Variants in DGKB observed in about 807,000 individuals in gnomAD.
The protein encoded by DGKB is diacylglycerol kinase beta.
Under a neutral mutation model 114.3 loss-of-function variants are expected in DGKB, and 67 were observed. The observed-to-expected ratio is 0.59, with a 90% CI of 0.48 to 0.72. DGKB has a LOEUF of 0.72. Among genes scored for constraint, DGKB ranks in the 30% least tolerant of loss-of-function variants. The pLI is 0.00. For synonymous variants in DGKB, 398 were observed against 323.1 expected (o/e 1.23, Z -2.49); for missense variants, 907 against 975.2 (o/e 0.93, Z 0.93).
At chr7:14,279,325 A>G (rs745764649) in intron 23 of DGKB, among the ~76,000 whole-genome samples, 10 of 152,204 alleles carry the variant, frequency 6.6e-5, no homozygotes, top group South Asian at 2.1e-4. Flanking sequence ...ACCATTGCCC[A>G]GGCTTGATTA....
chr7:14,517,307 C>G (rs1788976409), intron 20 of DGKB, among the ~76,000 whole-genome samples: 2 of 152,044 alleles, frequency 1.3e-5, no homozygotes, highest in South Asian at 4.2e-4. Flanking sequence ...AAAATCAACT[C>G]AAGATAGATT....
intron 20 of DGKB, among the ~76,000 whole-genome samples, chr7:14,499,139 A>C (rs1445570384): frequency 3.3e-5 from 5 of 151,666 alleles, no homozygotes; most frequent in African/African-American, 1.2e-4. Context: ...ATAAATGATA[A>C]ATTTTGCACT....
intron 23 of DGKB, among the ~76,000 whole-genome samples, chr7:14,274,512 T>G (rs924554911): frequency 1.3e-5 from 2 of 152,266 alleles, no homozygotes; most frequent in South Asian, 4.1e-4. Context: ...CGCATTAACA[T>G]CAGACTTATA....
intron 21 of DGKB, among the ~76,000 whole-genome samples, chr7:14,451,519 A>C (rs935738105): frequency 6.7e-6 from 1 of 149,180 alleles, no homozygotes; most frequent in African/African-American, 2.5e-5. Flanking sequence ...ATGTGAGCCA[A>C]TTCCTTATAA....
intron 13 of DGKB, among the ~76,000 whole-genome samples, chr7:14,660,718 G>A (rs1451244571): frequency 6.6e-6 from 1 of 151,700 alleles, no homozygotes; most frequent in African/African-American, 2.4e-5. Flanking sequence ...AAGTTCATAT[G>A]GAACCAAAAA....
At chr7:14,309,988 C>G (rs537827844) in intron 23 of DGKB, among the ~76,000 whole-genome samples, 1 of 152,096 alleles carries the variant, frequency 6.6e-6, no homozygotes, top group East Asian at 1.9e-4. Flanking sequence ...CTGGCACATA[C>G]CCTAGATGAT....
intron 2 of DGKB, among the ~76,000 whole-genome samples, chr7:14,759,416 T>A (rs993562909): frequency 6.6e-6 from 1 of 152,134 alleles, no homozygotes; most frequent in Admixed American, 6.6e-5. Context: ...CTCCCTGTAT[T>A]TTCTCCCCTC....
chr7:14,560,269 G>A (rs1385864144), intron 20 of DGKB, among the ~76,000 whole-genome samples: 6 of 151,938 alleles, frequency 3.9e-5, no homozygotes, highest in Non-Finnish European at 5.9e-5. Flanking sequence ...CATTATTGTT[G>A]AGTATAGGTA....
chr7:14,739,452 T>A (rs1832224943), intron 4 of DGKB, among the ~76,000 whole-genome samples: 1 of 152,204 alleles, frequency 6.6e-6, no homozygotes, highest in Non-Finnish European at 1.5e-5. Flanking sequence ...GTATTCAATT[T>A]GTGAGGTGGA....
At chr7:14,848,643 G>A (rs1403738178) in intron 1 of DGKB, among the ~76,000 whole-genome samples, 1 of 152,210 alleles carries the variant, frequency 6.6e-6, no homozygotes, top group Non-Finnish European at 1.5e-5. Flanking sequence ...ACTGCAATTA[G>A]CAGTCTGTAC....
At chr7:14,788,271 C>T (rs956481980) in intron 2 of DGKB, among the ~76,000 whole-genome samples, 1 of 152,222 alleles carries the variant, frequency 6.6e-6, no homozygotes, top group Non-Finnish European at 1.5e-5. Flanking sequence ...TGTACAGAAT[C>T]TTTCTAAGCC....
chr7:14,810,048 A>AT (rs2128076259), intron 2 of DGKB, among the ~76,000 whole-genome samples: 1 of 152,302 alleles, frequency 6.6e-6, no homozygotes, highest in East Asian at 1.9e-4. Flanking sequence ...TTCAAATCAG[A>AT]TTCTTCATTT....
chr7:14,315,988 A>G (rs933288401), intron 23 of DGKB, among the ~76,000 whole-genome samples: 5 of 151,758 alleles, frequency 3.3e-5, no homozygotes, highest in East Asian at 1.9e-4. Flanking sequence ...TTCACTCAAA[A>G]CCGCTCAACT....
intron 13 of DGKB, among the ~76,000 whole-genome samples, chr7:14,657,628 G>T (rs2128915492): frequency 6.6e-6 from 1 of 151,928 alleles, no homozygotes; most frequent in South Asian, 2.1e-4. Context: ...GGGTGAAACA[G>T]CCATAATGAT....
chr7:14,717,971 T>C (rs1402701768), intron 6 of DGKB, among the ~76,000 whole-genome samples: 2 of 152,206 alleles, frequency 1.3e-5, no homozygotes, highest in African/African-American at 4.8e-5. Flanking sequence ...TGAATAGAAA[T>C]TCTCTATCCG....
intron 13 of DGKB, among the ~76,000 whole-genome samples, chr7:14,663,021 T>C (rs889359571): frequency 3.9e-5 from 6 of 151,976 alleles, no homozygotes; most frequent in Admixed American, 6.6e-5. Context: ...GCAATTTTCA[T>C]GAATTAACTC....
At chr7:14,569,564 T>C (rs1798073172) in intron 20 of DGKB, among the ~76,000 whole-genome samples, 1 of 152,176 alleles carries the variant, frequency 6.6e-6, no homozygotes, top group South Asian at 2.1e-4. Flanking sequence ...GCCATCCCTA[T>C]ACTAAGTTCC....
At chr7:14,820,525 C>G (rs1372508774) in intron 2 of DGKB, among the ~76,000 whole-genome samples, 1 of 152,110 alleles carries the variant, frequency 6.6e-6, no homozygotes, top group South Asian at 2.1e-4. Flanking sequence ...CAAATATAAT[C>G]AGGAAATTGT....
intron 23 of DGKB, among the ~76,000 whole-genome samples, chr7:14,220,080 A>T (rs1432494341): frequency 1.3e-5 from 2 of 151,664 alleles, no homozygotes; most frequent in Non-Finnish European, 3.0e-5. Flanking sequence ...GTCTAGGCTA[A>T]ATGGGATAGT....
Sources: gnomAD v4.1 joint callset for allele counts (sites outside exome capture counted in the v4.1 genomes callset) on GRCh38, gnomAD v4.1.1 for gene constraint, MANE v1.5 for transcripts, NCBI Gene and HGNC (gene_info 2026-07-23, HGNC 2026-07-21) for gene names.